Variants in ZNF804A observed in about 807,000 individuals in gnomAD.
ZNF804A encodes the protein zinc finger protein 804A.
Under a neutral mutation model 16.5 loss-of-function variants are expected in ZNF804A, and 2 were observed. The ratio of observed to expected loss-of-function variants is 0.12; its 90% CI spans 0.05 to 0.38. The LOEUF is 0.38. Among genes scored for constraint, ZNF804A ranks in the 10% least tolerant of loss-of-function variants. ZNF804A has a pLI of 0.99. For missense variants in ZNF804A, 1,473 were observed against 1,390.7 expected, an observed-to-expected ratio of 1.06 and a Z score of -0.94; for synonymous variants, 534 against 489.6, an observed-to-expected ratio of 1.09 and a Z score of -1.20.
intron 1 of ZNF804A, among the ~76,000 whole-genome samples, chr2:184,812,789 A>AT (rs1694921961): frequency 6.6e-6 from 1 of 152,034 alleles, no homozygotes; most frequent in South Asian, 2.1e-4. Flanking sequence ...ATTTGGAGTT[A>AT]TTTTCTTGAG....
intron 1 of ZNF804A, among the ~76,000 whole-genome samples, chr2:184,647,502 G>A (rs544611866): frequency 1.6e-4 from 25 of 152,200 alleles, no homozygotes; most frequent in South Asian, 4.1e-4. Context: ...TCAATCTAAA[G>A]CAGTCCAGGA....
chr2:184,674,625 A>C (rs547266104), intron 1 of ZNF804A, among the ~76,000 whole-genome samples: 1 of 151,942 alleles, frequency 6.6e-6, no homozygotes, highest in South Asian at 2.1e-4. Context: ...AAAGGAGAGG[A>C]AGAGGAGAAG....
intron 1 of ZNF804A, among the ~76,000 whole-genome samples, chr2:184,799,274 C>A (rs1694685418): frequency 6.6e-6 from 1 of 152,068 alleles, no homozygotes; most frequent in Non-Finnish European, 1.5e-5. Flanking sequence ...TTCTGCCTCT[C>A]ATCCGCCATG....
intron 1 of ZNF804A, among the ~76,000 whole-genome samples, chr2:184,857,833 C>T (rs1037569991): frequency 6.6e-6 from 1 of 152,038 alleles, no homozygotes; most frequent in African/African-American, 2.4e-5. Flanking sequence ...TACTTTCAGC[C>T]TCTATGTGTC....
intron 1 of ZNF804A, among the ~76,000 whole-genome samples, chr2:184,669,710 G>A (rs1300831864): frequency 6.6e-6 from 1 of 151,764 alleles, no homozygotes; most frequent in African/African-American, 2.4e-5. Flanking sequence ...TAAACCATAT[G>A]TCAGTGATCC....
At chr2:184,607,761 A>G (rs1169670580) in intron 1 of ZNF804A, among the ~76,000 whole-genome samples, 1 of 152,134 alleles carries the variant, frequency 6.6e-6, no homozygotes, top group Admixed American at 6.5e-5. Context: ...AAAATGAAGG[A>G]CATTCATTTT....
chr2:184,665,223 T>A (rs1292293811), intron 1 of ZNF804A, among the ~76,000 whole-genome samples: 1 of 152,256 alleles, frequency 6.6e-6, no homozygotes, highest in East Asian at 1.9e-4. Context: ...ATAAGCAATA[T>A]CAGATGACAA....
chr2:184,783,833 G>A (rs1694408146), intron 1 of ZNF804A, among the ~76,000 whole-genome samples: 1 of 151,828 alleles, frequency 6.6e-6, no homozygotes, highest in Non-Finnish European at 1.5e-5. Flanking sequence ...CTTTGTTTAG[G>A]CATGAAGGTA....
chr2:184,727,367 G>A (rs961749181), intron 1 of ZNF804A, among the ~76,000 whole-genome samples: 1 of 151,538 alleles, frequency 6.6e-6, no homozygotes, highest in South Asian at 2.1e-4. Context: ...AGTCAAAGGT[G>A]TTAATATATT....
intron 1 of ZNF804A, among the ~76,000 whole-genome samples, chr2:184,768,471 A>G (rs1694163420): frequency 6.6e-6 from 1 of 152,104 alleles, no homozygotes; most frequent in Non-Finnish European, 1.5e-5. Flanking sequence ...GATGAAATTT[A>G]ATTTCAAAGA....
intron 1 of ZNF804A, among the ~76,000 whole-genome samples, chr2:184,821,813 G>A (rs1160975492): frequency 2.0e-5 from 3 of 152,068 alleles, no homozygotes; most frequent in Non-Finnish European, 4.4e-5. Context: ...ATGAAAAAAA[G>A]CACAACATCA....
Position 184,732,143 on chromosome 2 carries a change from T to G in ZNF804A, c.111+133073T>G, listed in dbSNP as rs547354193. Among the ~76,000 whole-genome samples, 20 of 152,310 alleles carry G rather than the reference T, an allele frequency of 1.3e-4. No homozygotes were observed. The South Asian group carries it at 3.7e-3, about 28-fold the overall frequency. ...TATCTTGCCAAACTCATCATCTAAG[T>G]TTCTTTCTATGTTATCTTCTAGAAT... On this transcript the variant is annotated intron_variant, in intron 1 of 3. Coordinates refer to ENST00000302277, the MANE Select transcript of ZNF804A (RefSeq NM_194250.2).
At chr2:184,801,711 A>T (rs1694729862) in intron 1 of ZNF804A, among the ~76,000 whole-genome samples, 2 of 152,024 alleles carry the variant, frequency 1.3e-5, no homozygotes, top group Non-Finnish European at 2.9e-5. Context: ...TTTGTCTTTG[A>T]TTACATTAAC....
intron 1 of ZNF804A, among the ~76,000 whole-genome samples, chr2:184,657,415 T>C (rs987921533): frequency 2.0e-5 from 3 of 152,196 alleles, no homozygotes; most frequent in Non-Finnish European, 4.4e-5. Context: ...TCTAATCACT[T>C]GCTTTTAATT....
At chr2:184,807,355 TTGAG>T (rs1349387090) in intron 1 of ZNF804A, among the ~76,000 whole-genome samples, 1 of 151,788 alleles carries the variant, frequency 6.6e-6, no homozygotes, top group East Asian at 1.9e-4. Flanking sequence ...CCATTTTCTG[TTGAG>T]TGAAAGAAAG....
At chr2:184,610,693 G>C (rs748662641) in intron 1 of ZNF804A, among the ~76,000 whole-genome samples, 2 of 151,956 alleles carry the variant, frequency 1.3e-5, no homozygotes, top group Non-Finnish European at 2.9e-5. Flanking sequence ...ACCACTCCCT[G>C]GTGAAGACAG....
chr2:184,800,197 T>A (rs1694702446), intron 1 of ZNF804A, among the ~76,000 whole-genome samples: 1 of 152,080 alleles, frequency 6.6e-6, no homozygotes, highest in Admixed American at 6.6e-5. Flanking sequence ...CTGGGTTAAA[T>A]TTATGAATTT....
chr2:184,870,641 A>G (rs1189976077), intron 2 of ZNF804A, among the ~76,000 whole-genome samples: 1 of 152,068 alleles, frequency 6.6e-6, no homozygotes, highest in Non-Finnish European at 1.5e-5. Flanking sequence ...TAGACACCCA[A>G]TTAATGCTGC....
chr2:184,657,121 A>G (rs1366110792), intron 1 of ZNF804A, among the ~76,000 whole-genome samples: 1 of 152,086 alleles, frequency 6.6e-6, no homozygotes, highest in African/African-American at 2.4e-5. Flanking sequence ...GTCATGCTCT[A>G]TCTTCCAGGC....
Sources: allele counts gnomAD v4.1 joint callset (sites outside exome capture counted in the v4.1 genomes callset), GRCh38; gene constraint gnomAD v4.1.1; transcripts MANE v1.5; gene names NCBI Gene and HGNC (gene_info 2026-07-23, HGNC 2026-07-21).